PTPRC: variants seen among roughly 807,000 people sequenced by gnomAD.
PTPRC encodes protein tyrosine phosphatase receptor type C.
PTPRC carries 44 observed loss-of-function variants against 155.9 expected under a neutral mutation model. That is an observed-to-expected ratio of 0.28 (90% CI 0.22 to 0.36). PTPRC has a LOEUF of 0.36. Among genes scored for constraint, PTPRC ranks in the 10% least tolerant of loss-of-function variants. The pLI is 1.00. For synonymous variants in PTPRC, 525 were observed against 533.1 expected, an observed-to-expected ratio of 0.98 and a Z score of 0.21; for missense variants, 1,401 against 1,564.6, an observed-to-expected ratio of 0.90 and a Z score of 1.76.
chr1:198,708,919 G>A (rs759988266), intron 10 of PTPRC, among the ~76,000 whole-genome samples: 90 of 152,178 alleles, frequency 5.9e-4, no homozygotes, highest in Non-Finnish European at 1.0e-3. Flanking sequence ...GTGTGCATGC[G>A]CATGCACGCA....
chr1:198,703,305 C>T lies in PTPRC; in HGVS notation c.591C>T (p.Tyr197=). 1.2e-6 allele frequency: 2 copies of T among 1,613,116 alleles called. No homozygotes were observed. The highest frequency in any genetic ancestry group is 1.7e-6 in the Non-Finnish European group (2 of 1,180,016). Residue 197 remains tyrosine, a synonymous_variant, in exon 7 of 33, where the codon TAC becomes TAT. Coordinates refer to ENST00000442510, the MANE Select transcript of PTPRC (RefSeq NM_002838.5). ...CTATTCATTTTCTTGCAGATGCCTA[C>T]CTTAATGCCTCTGAAACAACCACTC... ...TTITANTSDA[Y]LNASETTTLS...
In PTPRC at chr1:198,656,813, G is replaced by A. The variant is rs569361908; in HGVS notation, c.73+17472G>A. The stretch of plus-strand genomic sequence containing the variant: ...AGGAGCTGAGAGCTCAAGCAGGTTG[G>A]TTATGTTCTGCCAGATGGAGATAAA... On this transcript the variant is annotated intron_variant, in intron 2 of 32. Coordinates refer to ENST00000442510, the MANE Select transcript of PTPRC (RefSeq NM_002838.5). Among the ~76,000 whole-genome samples the A allele has an allele frequency of 5.3e-5, 8 of 151,982 alleles. No individual in the cohort carries two copies. The South Asian group carries it at 1.0e-3, about 20-fold the overall frequency.
intron 32 of PTPRC, among the ~76,000 whole-genome samples, chr1:198,755,301 C>A (rs1655586780): frequency 1.3e-5 from 2 of 151,986 alleles, no homozygotes; most frequent in Non-Finnish European, 2.9e-5. Flanking sequence ...GGGAATTAAT[C>A]CTTATTCACA....
chr1:198,743,289 A>G (rs1654996524), intron 25 of PTPRC, among the ~76,000 whole-genome samples: 1 of 151,858 alleles, frequency 6.6e-6, no homozygotes, highest in African/African-American at 2.4e-5. Context: ...CATACGAAAC[A>G]TTCAAGATAT....
chr1:198,716,876 G>C, intron 13 of PTPRC, 36 bp downstream of exon 13: 1 of 1,600,964 alleles, frequency 6.2e-7, no homozygotes, highest in Non-Finnish European at 8.5e-7. Context: ...TTCCATAAAT[G>C]GTAAAAAGCA....
chr1:198,676,584 A>G (rs749246046), intron 2 of PTPRC, among the ~76,000 whole-genome samples: 4 of 152,170 alleles, frequency 2.6e-5, no homozygotes, highest in Admixed American at 6.5e-5. Context: ...ATTGCCTTGC[A>G]TAGAGATAGA....
chr1:198,733,027 C>T lies in PTPRC; in HGVS notation c.2142+471C>T, dbSNP rs10919564. Among the ~76,000 whole-genome samples the T allele has an allele frequency of 9.4e-4, 143 of 151,848 alleles. 2 individuals are homozygous for T. Among genetic ancestry groups the T allele is most frequent in the Non-Finnish European group, 1.5e-4 (10 of 67,816 alleles). ...TTAATTTCATCACACTAAATTTCAG[C>T]AGACATTCCTCATCAACATGATCAT... On this transcript the variant is annotated intron_variant, in intron 20 of 32. Transcript: ENST00000442510.
intron 2 of PTPRC, among the ~76,000 whole-genome samples, chr1:198,668,649 A>AT (rs1664461461): frequency 6.6e-6 from 1 of 152,228 alleles, no homozygotes; most frequent in South Asian, 2.1e-4. Context: ...TGATAATTCT[A>AT]ATTACATAGT....
intron 11 of PTPRC, among the ~76,000 whole-genome samples, chr1:198,710,511 A>G (rs1653241090): frequency 6.6e-6 from 1 of 152,206 alleles, no homozygotes; most frequent in South Asian, 2.1e-4. Flanking sequence ...GAATCTGTGG[A>G]TAAATTTGGG....
rs375180767 is a variant in PTPRC at position 198,756,076 on chromosome 1, T to A, written c.3816T>A (p.Pro1272=). The A allele has an allele frequency of 8.0e-5, 129 of 1,613,336 alleles. No individual in the cohort carries two copies. The highest frequency in any genetic ancestry group is 9.2e-5 in the Non-Finnish European group (108 of 1,179,670). The part of the protein sequence containing the change: ...VNPLGAPEKL[P]EAKEQAEGSE... ...CACTTGGTGCCCCAGAAAAGCTCCC[T>A]GAAGCAAAGGAACAGGCTGAAGGTT... The change falls in exon 33 of 33, where the codon CCT becomes CCA. Residue 1272 remains proline (P), a synonymous_variant. Transcript: ENST00000442510.
intron 32 of PTPRC, among the ~76,000 whole-genome samples, chr1:198,755,017 A>G (rs1373282387): frequency 6.6e-6 from 1 of 152,126 alleles, no homozygotes; most frequent in African/African-American, 2.4e-5. Flanking sequence ...TAAAGCAGCA[A>G]GTTCCACAAG....
chr1:198,721,983 A>G (rs964893734), intron 14 of PTPRC, among the ~76,000 whole-genome samples: 17 of 151,404 alleles, frequency 1.1e-4, no homozygotes, highest in African/African-American at 4.1e-4. Flanking sequence ...AAATTTTACT[A>G]TATATCCATT....
At chr1:198,687,446 G>A (rs1402037710) in intron 2 of PTPRC, among the ~76,000 whole-genome samples, 2 of 152,126 alleles carry the variant, frequency 1.3e-5, no homozygotes, top group Non-Finnish European at 2.9e-5. Flanking sequence ...AAATATGATA[G>A]AGAATTAATA....
chr1:198,752,531 T>TATC, intron 30 of PTPRC, 63 bp from the exon 31 acceptor site: 1 of 1,551,794 alleles, frequency 6.4e-7, no homozygotes, highest in Non-Finnish European at 8.9e-7. Context: ...AAAATATGAC[T>TATC]ATCAAATTAG....
At chr1:198,726,803 A>G (rs1318859514) in intron 15 of PTPRC, among the ~76,000 whole-genome samples, 1 of 151,794 alleles carries the variant, frequency 6.6e-6, no homozygotes, top group Non-Finnish European at 1.5e-5. Flanking sequence ...TTCAGAGTAT[A>G]TGAAAAAATG....
Position 198,699,486 on chromosome 1 carries a change from G to T in PTPRC, c.299-78G>T, listed in dbSNP as rs1666358984. On this transcript the variant is annotated intron_variant, in intron 4 of 32. Transcript: ENST00000442510. ...GTTTGGTAAACTATAATCGCAATTT[G>T]CTCCTTATAACCTCTTAGTAAATTA... 17 of 1,522,570 alleles carry T rather than the reference G, an allele frequency of 1.1e-5. No homozygotes were observed. In the South Asian group the frequency reaches 1.1e-4, roughly 10 times the overall value. The allele number at this position is 1,522,570 out of a possible 1,614,324, so 94.3% of individuals were successfully genotyped here.
rs772476801 is a variant in PTPRC at position 198,703,424 on chromosome 1, G to T, written c.658+52G>T. ...ACACCATCCCCATGTGCCTGGTGAT[G>T]TGCTCTCACAAGGGCCTTCCACCCA... On this transcript the variant is annotated intron_variant, in intron 7 of 32. Transcript: ENST00000442510. 3 of 1,607,318 alleles carry T rather than the reference G, an allele frequency of 1.9e-6. No individual in the cohort carries two copies. The South Asian group carries it at 3.3e-5, about 18-fold the overall frequency.
rs752405008 is a variant in PTPRC, at chr1:198,750,520, C to T, written c.3101C>T (p.Ala1034Val). 6.2e-7 allele frequency: 1 copy of T among 1,612,490 alleles called. No homozygotes were observed. The highest frequency in any genetic ancestry group is 2.2e-5 in the East Asian group (1 of 44,798). Residue 1034 changes from alanine (A) to valine (V), a missense_variant, in exon 29 of 33, where the codon GCT becomes GTT. Ala to Val is a moderately conservative substitution (Grantham distance 64, BLOSUM62 0). Transcript: ENST00000442510. Reference protein sequence around the residue: ...MSYWKPEVMIAAQGPLKETIG... With the variant: ...MSYWKPEVMIVAQGPLKETIG... The stretch of plus-strand genomic sequence containing the variant: ...TACTGGAAACCTGAAGTGATGATTG[C>T]TGCTCAGGGACCACTGAAGGAGACC...
In PTPRC at chr1:198,702,405, G is replaced by A. The variant is rs776009650; in HGVS notation, c.458G>A (p.Ser153Asn). The change falls in exon 6 of 33, where the codon AGT becomes AAT. Residue 153 changes from serine (S) to asparagine (N), a missense_variant. Coordinates refer to ENST00000442510, the MANE Select transcript of PTPRC (RefSeq NM_002838.5). Reference protein sequence around the residue: ...NAISDVPGERSTASTFPTDPV... With the variant: ...NAISDVPGERNTASTFPTDPV... ...ATTGCAGATGTCCCAGGAGAGAGGA[G>A]TACAGCCAGCACCTTTCCTACAGAC... 2 of 1,614,172 alleles carry A rather than the reference G, an allele frequency of 1.2e-6. No homozygotes were observed. Among genetic ancestry groups the A allele is most frequent in the Non-Finnish European group, 8.5e-7 (1 of 1,180,020 alleles).
Sources: allele counts gnomAD v4.1 joint callset (sites outside exome capture counted in the v4.1 genomes callset), GRCh38; gene constraint gnomAD v4.1.1; transcripts MANE v1.5; gene names NCBI Gene and HGNC (gene_info 2026-07-23, HGNC 2026-07-21).